GSAP: variants seen among roughly 807,000 people sequenced by gnomAD.
GSAP encodes the protein gamma-secretase activating protein, also known as gamma-secretase-activating protein.
Under a neutral mutation model 131.7 loss-of-function variants are expected in GSAP, and 118 were observed. The observed-to-expected ratio is 0.90, with a 90% CI of 0.77 to 1.04. The LOEUF (loss-of-function observed/expected upper bound fraction) is 1.04, where lower values mean the gene tolerates loss of function less well. Among genes scored for constraint, GSAP ranks in the 50% least tolerant of loss-of-function variants. The pLI, the probability that GSAP is intolerant of heterozygous loss-of-function variation, is 0.00. For missense variants in GSAP, 1,019 were observed against 1,013.2 expected (o/e 1.01, Z -0.08); for synonymous variants, 381 against 363.4 (o/e 1.05, Z -0.55).
At chr7:77,386,048 T>C (rs1191663791) in intron 6 of GSAP, among the ~76,000 whole-genome samples, 2 of 129,416 alleles carry the variant, frequency 1.5e-5, no homozygotes, top group Admixed American at 1.5e-4. Flanking sequence ...TACTGAACCA[T>C]TGTTTCTAGG....
intron 5 of GSAP, among the ~76,000 whole-genome samples, chr7:77,394,229 G>A (rs1029591948): frequency 6.6e-6 from 1 of 152,106 alleles, no homozygotes; most frequent in Non-Finnish European, 1.5e-5. Context: ...TTGAGTCTAC[G>A]TGATCCATCT....
chr7:77,392,972 G>A (rs1391907791), intron 5 of GSAP, among the ~76,000 whole-genome samples: 1 of 152,040 alleles, frequency 6.6e-6, no homozygotes, highest in African/African-American at 2.4e-5. Context: ...GGATGAAGGG[G>A]ACAGCCAGAG....
intron 12 of GSAP, among the ~76,000 whole-genome samples, chr7:77,373,334 G>A (rs1796411512): frequency 6.6e-6 from 1 of 152,176 alleles, no homozygotes; most frequent in Non-Finnish European, 1.5e-5. Context: ...CTCAGTAAAT[G>A]TTGGCCTAAT....
intron 14 of GSAP, among the ~76,000 whole-genome samples, chr7:77,355,885 G>T (rs536739313): frequency 6.9e-6 from 1 of 144,896 alleles, no homozygotes. Flanking sequence ...AAACTCCTGG[G>T]CTCAAGTGAT....
At chr7:77,412,092 T>A (rs768048562) in intron 1 of GSAP, among the ~76,000 whole-genome samples, 12 of 152,216 alleles carry the variant, frequency 7.9e-5, no homozygotes, top group Non-Finnish European at 1.5e-4. Flanking sequence ...GGCAGGAGAA[T>A]CGCTTGAACC....
At chr7:77,402,552 G>A (rs1203150409) in intron 3 of GSAP, among the ~76,000 whole-genome samples, 2 of 116,676 alleles carry the variant, frequency 1.7e-5, no homozygotes, top group South Asian at 2.8e-4. Context: ...CTGAGATGGC[G>A]CCACTGCACT....
intron 3 of GSAP, among the ~76,000 whole-genome samples, chr7:77,399,981 T>C (rs770393006): frequency 5.3e-5 from 8 of 151,982 alleles, no homozygotes; most frequent in African/African-American, 1.9e-4. Flanking sequence ...CACACACCCA[T>C]GCTCTCTAGC....
At chr7:77,369,019 A>G (rs1370818716) in intron 12 of GSAP, among the ~76,000 whole-genome samples, 1 of 152,270 alleles carries the variant, frequency 6.6e-6, no homozygotes, top group African/African-American at 2.4e-5. Context: ...TACTGTGGAC[A>G]AAGTTTTCCA....
chr7:77,351,139 T>C (rs1167453593), intron 18 of GSAP: 2 of 979,626 alleles, frequency 2.0e-6, no homozygotes, highest in African/African-American at 3.5e-5. Context: ...TTTCAGAACA[T>C]GCAAACAACT....
rs368331526 is a variant in GSAP at position 77,374,165 on chromosome 7, T to C, written c.786-10A>G. 124 of 1,437,746 alleles carry C rather than the reference T, an allele frequency of 8.6e-5. No individual in the cohort carries two copies. Among genetic ancestry groups the C allele is most frequent in the Non-Finnish European group, 1.1e-4 (118 of 1,033,888 alleles). The allele number at this position is 1,437,746 out of a possible 1,614,324, so 89.1% of individuals were successfully genotyped here. On this transcript the variant is annotated splice_polypyrimidine_tract_variant and intron_variant, in intron 11 of 30. Coordinates refer to ENST00000257626, the MANE Select transcript of GSAP (RefSeq NM_017439.4). ...TCCAAAGTTGACAAGTCTAAGAACA[T>C]AAAGAATGAGAAATTATTGAATGCA... is the stretch of plus-strand genomic sequence containing the variant.
chr7:77,349,415 G>GA lies in GSAP; in HGVS notation c.1492-12dup. 6.2e-7 allele frequency: 1 copy of GA among 1,609,774 alleles called. No individual in the cohort carries two copies. The highest frequency in any genetic ancestry group is 8.5e-7 in the Non-Finnish European group (1 of 1,177,164). On this transcript the variant is annotated splice_polypyrimidine_tract_variant and intron_variant, in intron 18 of 30. Transcript: ENST00000257626. ...TATTCCAGGAATTTCCTATAGTGGG[G>GA]AAAAACACACACACACAGCTGCTCA... is the stretch of plus-strand genomic sequence containing the variant.
chr7:77,333,679 A>C (rs1463404046), intron 19 of GSAP, among the ~76,000 whole-genome samples: 2 of 152,214 alleles, frequency 1.3e-5, no homozygotes, highest in Non-Finnish European at 2.9e-5. Context: ...GTGGTTTTAA[A>C]ATAGGAGATA....
At chr7:77,388,209 C>T (rs1308733601) in intron 5 of GSAP, among the ~76,000 whole-genome samples, 1 of 152,214 alleles carries the variant, frequency 6.6e-6, no homozygotes, top group Non-Finnish European at 1.5e-5. Context: ...TGTACTCACT[C>T]CATGCCATTT....
chr7:77,396,367 G>C (rs1465573950), intron 5 of GSAP, among the ~76,000 whole-genome samples: 2 of 152,042 alleles, frequency 1.3e-5, no homozygotes, highest in African/African-American at 4.8e-5. Flanking sequence ...TGAAACCCCA[G>C]ACTAGACTGA....
intron 6 of GSAP, among the ~76,000 whole-genome samples, chr7:77,387,109 G>A (rs925895354): frequency 2.0e-5 from 3 of 152,156 alleles, no homozygotes; most frequent in East Asian, 3.8e-4. Flanking sequence ...CCTTAAATGT[G>A]TTTTAATATT....
chr7:77,336,100 C>G (rs1439166082), intron 19 of GSAP, among the ~76,000 whole-genome samples: 1 of 152,182 alleles, frequency 6.6e-6, no homozygotes, highest in Non-Finnish European at 1.5e-5. Flanking sequence ...TGGACTTGCT[C>G]CTTCTTCCCC....
At chr7:77,410,941 T>A (rs1366977057) in intron 1 of GSAP, among the ~76,000 whole-genome samples, 1 of 152,112 alleles carries the variant, frequency 6.6e-6, no homozygotes, top group Non-Finnish European at 1.5e-5. Context: ...GATGACCAGT[T>A]ATTATAATTC....
At chr7:77,345,894 A>G (rs1012220710) in intron 19 of GSAP, among the ~76,000 whole-genome samples, 6 of 152,322 alleles carry the variant, frequency 3.9e-5, no homozygotes, top group African/African-American at 1.4e-4. Flanking sequence ...CTTTCATTGA[A>G]TATCAATTTA....
At chr7:77,378,530 C>CAAAAAAAAAAAAA (rs1797322545) in intron 8 of GSAP, among the ~76,000 whole-genome samples, 1 of 135,500 alleles carries the variant, frequency 7.4e-6, no homozygotes, top group African/African-American at 3.1e-5. Flanking sequence ...CAAAAAAAAA[C>CAAAAAAAAAAAAA]AAAGGCAGAA....
Sources: gnomAD v4.1 joint callset for allele counts (sites outside exome capture counted in the v4.1 genomes callset) on GRCh38, gnomAD v4.1.1 for gene constraint, MANE v1.5 for transcripts, NCBI Gene and HGNC (gene_info 2026-07-23, HGNC 2026-07-21) for gene names.